ZNF350: variants seen among roughly 807,000 people sequenced by gnomAD.
ZNF350 encodes the protein zinc finger protein 350.
ZNF350 carries 5 observed loss-of-function variants against 13.1 expected under a neutral mutation model. The ratio of observed to expected loss-of-function variants is 0.38; its 90% CI spans 0.20 to 0.80. The LOEUF is 0.80. Among genes scored for constraint, ZNF350 ranks in the 30% least tolerant of loss-of-function variants. The pLI, the probability that ZNF350 is intolerant of heterozygous loss-of-function variation, is 0.43. For missense variants in ZNF350, 534 were observed against 644.2 expected, an observed-to-expected ratio of 0.83 and a Z score of 1.85; for synonymous variants, 199 against 224.2, an observed-to-expected ratio of 0.89 and a Z score of 1.00.
chr19:51,984,544 C>T (rs2086126567), intron 1 of ZNF350, among the ~76,000 whole-genome samples: 1 of 152,122 alleles, frequency 6.6e-6, no homozygotes, highest in African/African-American at 2.4e-5. Flanking sequence ...TACATCTCTG[C>T]CTCCCCCATA....
chr19:51,980,287 A>G (rs1212625720), intron 1 of ZNF350, among the ~76,000 whole-genome samples: 1 of 152,172 alleles, frequency 6.6e-6, no homozygotes, highest in Non-Finnish European at 1.5e-5. Context: ...AATCTGTCTG[A>G]GCCTTGGGCT....
intron 1 of ZNF350, among the ~76,000 whole-genome samples, chr19:51,980,570 T>G (rs2086009776): frequency 6.6e-6 from 1 of 152,182 alleles, no homozygotes; most frequent in South Asian, 2.1e-4. Context: ...GTTCTGTGGT[T>G]AGGAGAACAG....
chr19:51,972,947 CTT>C (rs375399970), intron 2 of ZNF350: 12 of 129,426 alleles, frequency 9.3e-5, no homozygotes, highest in Admixed American at 2.4e-4. Flanking sequence ...CAGCCAGAAA[CTT>C]TTTTTTTTTT....
At chr19:51,968,390 A>C in intron 4 of ZNF350, 188 bp downstream of exon 4, 1 of 612,260 alleles carries the variant, frequency 1.6e-6, no homozygotes, top group Non-Finnish European at 2.9e-6. Context: ...TGAGGAGATA[A>C]AGAGTTTTTG....
At chr19:51,969,613 C>T (rs570060638) in intron 2 of ZNF350, among the ~76,000 whole-genome samples, 1 of 151,974 alleles carries the variant, frequency 6.6e-6, no homozygotes, top group Non-Finnish European at 1.5e-5. Flanking sequence ...AGGAGGGTCA[C>T]TCGAGCCCAG....
intron 1 of ZNF350, among the ~76,000 whole-genome samples, chr19:51,977,916 C>T (rs1019801074): frequency 6.6e-6 from 1 of 152,042 alleles, no homozygotes; most frequent in Admixed American, 6.6e-5. Context: ...AGGGTCAAAC[C>T]CTAAAGTGGG....
In ZNF350 at chr19:51,976,071, CT is replaced by C; in HGVS notation, c.-171-1541del. Among the ~76,000 whole-genome samples the C allele has an allele frequency of 6.6e-6, 1 of 150,444 alleles. No individual in the cohort carries two copies. The highest frequency in any genetic ancestry group is 2.4e-5 in the African/African-American group (1 of 41,112). Reference sequence around the variant, plus strand: ...TACTGCGACATCTAGAGAATGCAGTCTTGCAAGACTACTCTGGACCCCTGGC... The same window carrying C: ...TACTGCGACATCTAGAGAATGCAGTCTGCAAGACTACTCTGGACCCCTGGC... On this transcript the variant is annotated intron_variant, in intron 1 of 4. Transcript: ENST00000243644. The surrounding 1 kb of genome is among the most constrained non-coding windows in gnomAD (Gnocchi z 4.5).
Position 51,981,781 on chromosome 19 carries a change from T to C in ZNF350, c.-172+4989A>G, listed in dbSNP as rs543406260. On this transcript the variant is annotated intron_variant, in intron 1 of 4. Coordinates refer to ENST00000243644, the MANE Select transcript of ZNF350 (RefSeq NM_021632.4). ...TCTTCATTCATAGAAATACACCATA[T>C]GTATACCCCTAACAACAGTCTTGAA... 1.4e-4 allele frequency: 21 copies of C among 152,304 alleles called. 1 individual carries two copies. Among genetic ancestry groups the C allele is most frequent in the Admixed American group, 1.2e-3 (19 of 15,290 alleles). 9.4% of individuals were successfully genotyped at this position (152,304 alleles called of 1,614,324 possible). A position where few individuals can be genotyped will look rare whatever the true frequency, so the allele number is the denominator to read the frequency against.
chr19:51,970,178 C>T (rs2085697866), intron 2 of ZNF350, among the ~76,000 whole-genome samples: 1 of 151,624 alleles, frequency 6.6e-6, no homozygotes, highest in African/African-American at 2.4e-5. Flanking sequence ...TCTCCTGCCT[C>T]AGCCTCCCGA....
At chr19:51,971,120 C>T (rs113914010) in intron 2 of ZNF350, among the ~76,000 whole-genome samples, 6 of 152,244 alleles carry the variant, frequency 3.9e-5, no homozygotes, top group African/African-American at 4.8e-5. Context: ...TTAAAGGATA[C>T]TGCTGGTGGG....
Position 51,965,607 on chromosome 19 carries a change from T to A in ZNF350, c.846A>T (p.Lys282Asn). ...LKKSRLNIHQ[K>N]THTGEKPYIC... is the part of the protein sequence containing the mutation. The stretch of plus-strand genomic sequence containing the variant: ...TATAGGGTTTCTCTCCGGTATGTGT[T>A]TTCTGATGTATGTTGAGCCGTGATT... Residue 282 changes from lysine to asparagine, a missense_variant, in exon 5 of 5, where the codon AAA becomes AAT. By Grantham distance (94) the Lys-to-Asn change is moderately conservative. Coordinates refer to ENST00000243644, the MANE Select transcript of ZNF350 (RefSeq NM_021632.4). 1 of 1,614,248 alleles carries A rather than the reference T, an allele frequency of 6.2e-7. No homozygotes were observed. Among genetic ancestry groups the A allele is most frequent in the Non-Finnish European group, 8.5e-7 (1 of 1,180,046 alleles).
At chr19:51,980,304 C>T (rs2086001761) in intron 1 of ZNF350, among the ~76,000 whole-genome samples, 1 of 152,226 alleles carries the variant, frequency 6.6e-6, no homozygotes, top group Non-Finnish European at 1.5e-5. Flanking sequence ...GGCTGCCACA[C>T]CTGCTTTGCA....
intron 1 of ZNF350, 126 bp downstream of exon 1, chr19:51,986,643 TC>T: frequency 6.6e-6 from 1 of 152,292 alleles, no homozygotes; most frequent in Non-Finnish European, 1.5e-5. Context: ...ACCCCGGCGC[TC>T]CCCAGTCTTC....
intron 1 of ZNF350, among the ~76,000 whole-genome samples, chr19:51,984,636 C>T (rs940296112): frequency 6.6e-6 from 1 of 152,148 alleles, no homozygotes; most frequent in African/African-American, 2.4e-5. Flanking sequence ...TTAGGTAATA[C>T]AAATGTAATT....
At chr19:51,966,278 TTTG>T (rs1420504748) in intron 4 of ZNF350, 64 bp from the exon 5 acceptor site, 1 of 1,453,546 alleles carries the variant, frequency 6.9e-7, no homozygotes, top group Non-Finnish European at 9.1e-7. Flanking sequence ...TTGTGGTTTT[TTTG>T]TTTTTTTTGT....
rs2085829513 is a variant in ZNF350 at position 51,974,415 on chromosome 19, T to C, written c.-55A>G. On this transcript the variant is annotated 5_prime_UTR_variant, in exon 2 of 5. Coordinates refer to ENST00000243644, the MANE Select transcript of ZNF350 (RefSeq NM_021632.4). The stretch of plus-strand genomic sequence containing the variant: ...ACTGGGATGGTCTGTCTTTGTATCT[T>C]CTGGCCTTCTCTTCAGAAGTCTCAG... 5 of 1,599,614 alleles carry C rather than the reference T, an allele frequency of 3.1e-6. No homozygotes were observed. The highest frequency in any genetic ancestry group is 2.7e-5 in the African/African-American group (2 of 74,450).
chr19:51,969,952 G>A (rs2085687488), intron 2 of ZNF350, among the ~76,000 whole-genome samples: 1 of 152,072 alleles, frequency 6.6e-6, no homozygotes, highest in Admixed American at 6.6e-5. Flanking sequence ...GGGTGCAGTG[G>A]CATAATCTCA....
At chr19:51,975,429 T>TAAAAAAAAA (rs202054246) in intron 1 of ZNF350, among the ~76,000 whole-genome samples, 2 of 88,992 alleles carry the variant, frequency 2.2e-5, no homozygotes, top group African/African-American at 9.8e-5. Flanking sequence ...AACCTCGTCT[T>TAAAAAAAAA]AAAAAAAAAA....
rs1411424974 is a variant in ZNF350, at chr19:51,970,082, A to G, written c.16-951T>C. ...TAATTTTTTTTTTTTTTTTTTTGAG[A>G]CGGAGTTTTGCTCCTCTTTCCCAGG... On this transcript the variant is annotated intron_variant, in intron 2 of 4. Transcript: ENST00000243644. 8.6e-5 allele frequency among the ~76,000 whole-genome samples: 9 copies of G among 104,262 alleles called. No individual in the cohort carries two copies. In the East Asian group the frequency reaches 2.1e-3, roughly 25 times the overall value. The allele number at this position is 104,262 out of a possible 152,430, so 68.4% of individuals were successfully genotyped here. A position where few individuals can be genotyped will look rare whatever the true frequency, so the allele number is the denominator to read the frequency against.
Sources: gnomAD v4.1 joint callset for allele counts (sites outside exome capture counted in the v4.1 genomes callset) on GRCh38, gnomAD v4.1.1 for gene constraint, Gnocchi (gnomAD v3.1) non-coding constraint, MANE v1.5 for transcripts, NCBI Gene and HGNC (gene_info 2026-07-23, HGNC 2026-07-21) for gene names.